Variants in ANO3 observed in about 807,000 individuals in gnomAD.
The protein encoded by ANO3 is anoctamin 3, also known as anoctamin-3.
Under a neutral mutation model 144.8 loss-of-function variants are expected in ANO3, and 99 were observed. That is an observed-to-expected ratio of 0.68 (90% CI 0.58 to 0.81). The LOEUF is 0.81. Ranked by LOEUF, ANO3 falls within the 30% of genes least tolerant of loss-of-function variation. The probability of loss-of-function intolerance (pLI) is 0.00; values close to 1 mark genes in which losing one functional copy is unlikely to be tolerated. For missense variants in ANO3, 905 were observed against 1,202.2 expected, an observed-to-expected ratio of 0.75 and a Z score of 3.66; for synonymous variants, 414 against 392.6, an observed-to-expected ratio of 1.05 and a Z score of -0.64.
intron 17 of ANO3, among the ~76,000 whole-genome samples, chr11:26,619,325 G>A (rs1175761431): frequency 4.6e-5 from 7 of 152,038 alleles, no homozygotes; most frequent in African/African-American, 2.4e-5. Flanking sequence ...TTTAACTGGG[G>A]AGAAAAATAT....
At chr11:26,366,892 G>A (rs1396614304) in intron 1 of ANO3, among the ~76,000 whole-genome samples, 1 of 152,092 alleles carries the variant, frequency 6.6e-6, no homozygotes, top group East Asian at 1.9e-4. Context: ...TTTGTCAGAT[G>A]AGTAGGTTGC....
chr11:26,623,525 GA>G (rs1173899617), intron 17 of ANO3, among the ~76,000 whole-genome samples: 1 of 152,092 alleles, frequency 6.6e-6, no homozygotes, highest in Non-Finnish European at 1.5e-5. Context: ...GTATATAGGA[GA>G]GGGGAAAAGA....
chr11:26,614,106 G>A (rs1025582799), intron 17 of ANO3, among the ~76,000 whole-genome samples: 5 of 152,190 alleles, frequency 3.3e-5, no homozygotes, highest in Non-Finnish European at 7.4e-5. Flanking sequence ...TGCAGGACCC[G>A]CTTTCAGGCT....
intron 1 of ANO3, among the ~76,000 whole-genome samples, chr11:26,432,137 T>A (rs1353135734): frequency 6.6e-6 from 1 of 152,162 alleles, no homozygotes; most frequent in Non-Finnish European, 1.5e-5. Context: ...GTGGTTTTGA[T>A]TTGTATTACT....
chr11:26,286,535 A>C (rs1455629156), intron 1 of ANO3, among the ~76,000 whole-genome samples: 1 of 152,258 alleles, frequency 6.6e-6, no homozygotes, highest in Non-Finnish European at 1.5e-5. Context: ...ATAATTGCAC[A>C]GTAATTTTAT....
chr11:26,310,163 C>T (rs963717491), intron 1 of ANO3, among the ~76,000 whole-genome samples: 3 of 151,994 alleles, frequency 2.0e-5, no homozygotes, highest in African/African-American at 7.3e-5. Flanking sequence ...GCAAAGATAG[C>T]TACATATATA....
At position 26,586,503 on chromosome 11, in the gene ANO3, C is replaced by CTTTTTTTTTTTTTTTTTTTTTTTTTTTT; in HGVS notation, c.1448-11844_1448-11843insTTTTTTTTTTTTTTTTTTTTTTTTTTTT. 2.0e-3 allele frequency among the ~76,000 whole-genome samples: 164 copies of CTTTTTTTTTTTTTTTTTTTTTTTTTTTT among 81,440 alleles called. 37 individuals carry two copies. Among genetic ancestry groups the CTTTTTTTTTTTTTTTTTTTTTTTTTTTT allele is most frequent in the East Asian group, 3.1e-3 (9 of 2,910 alleles). The allele number at this position is 81,440 out of a possible 152,430, so 53.4% of individuals were successfully genotyped here. ...AAGAAGGGGCTTCCCTGGTGAGAATCTTTTTTTTTTTTTTTTTTGAGACAT... is the reference window on the plus strand; with the variant it reads ...AAGAAGGGGCTTCCCTGGTGAGAATCTTTTTTTTTTTTTTTTTTTTTTTTTTTTTTTTTTTTTTTTTTTTTTGAGACAT... On this transcript the variant is annotated intron_variant, in intron 14 of 26. Transcript: ENST00000256737.
intron 1 of ANO3, among the ~76,000 whole-genome samples, chr11:26,404,925 T>TTG (rs1857237710): frequency 1.8e-5 from 1 of 56,516 alleles, no homozygotes; most frequent in Non-Finnish European, 4.5e-5. Context: ...AGCAAGGAAT[T>TTG]TATATATATG....
At chr11:26,277,591 C>T (rs1160487912) in intron 1 of ANO3, among the ~76,000 whole-genome samples, 1 of 152,020 alleles carries the variant, frequency 6.6e-6, no homozygotes, top group African/African-American at 2.4e-5. Flanking sequence ...TTGAACTGCG[C>T]TAACCTAGAG....
At chr11:26,260,041 A>T (rs1291870084) in intron 1 of ANO3, among the ~76,000 whole-genome samples, 1 of 149,240 alleles carries the variant, frequency 6.7e-6, no homozygotes, top group Non-Finnish European at 1.5e-5. Flanking sequence ...TTAAAATTTT[A>T]AAGTGCTTTT....
chr11:26,535,397 A>T (rs1192988379), intron 9 of ANO3, among the ~76,000 whole-genome samples: 1 of 152,092 alleles, frequency 6.6e-6, no homozygotes, highest in Admixed American at 6.5e-5. Flanking sequence ...AACAAACAAG[A>T]TATACTTTTA....
chr11:26,262,601 A>G lies in ANO3; in HGVS notation c.155-47044A>G, dbSNP rs1188217882. 5.3e-5 allele frequency among the ~76,000 whole-genome samples: 8 copies of G among 152,134 alleles called. 1 individual carries two copies. Among genetic ancestry groups the G allele is most frequent in the Non-Finnish European group, 1.5e-5 (1 of 68,028 alleles). On this transcript the variant is annotated intron_variant, in intron 1 of 27. Coordinates refer to the ANO3 transcript ENST00000672621. The stretch of plus-strand genomic sequence containing the variant: ...TTGTGCCTGCCTCAACCCAAACTTT[A>G]TATGTTGAAATCCTAACACCCAATG...
chr11:26,638,774 A>C, intron 20 of ANO3, among the ~76,000 whole-genome samples: 1 of 152,216 alleles, frequency 6.6e-6, no homozygotes, highest in East Asian at 1.9e-4. Context: ...ATTAAAAACA[A>C]TATATTATAA....
chr11:26,373,025 C>CA (rs1453343344), intron 1 of ANO3, among the ~76,000 whole-genome samples: 1 of 151,958 alleles, frequency 6.6e-6, no homozygotes, highest in Non-Finnish European at 1.5e-5. Flanking sequence ...ACTTTTGTCA[C>CA]ATTGGTTTAT....
At chr11:26,328,810 A>G (rs1388571876), upstream of ANO3, among the ~76,000 whole-genome samples, 3 of 152,218 alleles carry the variant, frequency 2.0e-5, no homozygotes, top group African/African-American at 7.2e-5. Flanking sequence ...TATGCATGTA[A>G]TAAGGATAAA....
chr11:26,377,148 T>C (rs1856436028), intron 1 of ANO3, among the ~76,000 whole-genome samples: 1 of 152,144 alleles, frequency 6.6e-6, no homozygotes, highest in Admixed American at 6.6e-5. Context: ...GCAGACCTTC[T>C]TGAATTTCCA....
At chr11:26,233,745 A>G (rs1051855632) in intron 1 of ANO3, among the ~76,000 whole-genome samples, 3 of 152,216 alleles carry the variant, frequency 2.0e-5, no homozygotes, top group Non-Finnish European at 4.4e-5. Context: ...ATGTACACCA[A>G]GGAATACTAT....
At chr11:26,383,533 T>C (rs1230790491) in intron 1 of ANO3, among the ~76,000 whole-genome samples, 1 of 120,004 alleles carries the variant, frequency 8.3e-6, no homozygotes, top group African/African-American at 2.7e-5. Context: ...GCAATATATA[T>C]AATGGCTTAC....
intron 7 of ANO3, among the ~76,000 whole-genome samples, chr11:26,527,655 G>A (rs549728166): frequency 6.6e-5 from 10 of 151,924 alleles, no homozygotes; most frequent in Non-Finnish European, 1.3e-4. Flanking sequence ...AGTTTTGACC[G>A]GTACATATTA....
Sources: gnomAD v4.1 joint callset for allele counts (sites outside exome capture counted in the v4.1 genomes callset) on GRCh38, gnomAD v4.1.1 for gene constraint, MANE v1.5 for transcripts, NCBI Gene and HGNC (gene_info 2026-07-23, HGNC 2026-07-21) for gene names.